C16orf87: variants seen among roughly 807,000 people sequenced by gnomAD.
The protein encoded by C16orf87 is UPF0547 protein C16orf87.
C16orf87 carries 13 observed loss-of-function variants against 21.0 expected under a neutral mutation model. That is an observed-to-expected ratio of 0.62 (90% confidence interval 0.40 to 0.98). C16orf87 has a LOEUF of 0.98. Among genes scored for constraint, C16orf87 ranks in the 50% least tolerant of loss-of-function variants. C16orf87 has a pLI of 0.00. For synonymous variants in C16orf87, 49 were observed against 60.2 expected (o/e 0.81, Z 0.86); for missense variants, 113 against 180.4 (o/e 0.63, Z 2.14).
At chr16:46,819,401 A>G (rs1297467781) in intron 2 of C16orf87, among the ~76,000 whole-genome samples, 1 of 151,784 alleles carries the variant, frequency 6.6e-6, no homozygotes, top group African/African-American at 2.4e-5. Flanking sequence ...CCTCCGCCTC[A>G]CTGGTTCAAG....
At chr16:46,822,500 A>G (rs1252260114) in intron 2 of C16orf87, among the ~76,000 whole-genome samples, 2 of 152,144 alleles carry the variant, frequency 1.3e-5, no homozygotes, top group Admixed American at 1.3e-4. Flanking sequence ...CATGAATCCT[A>G]TACAGCCAAC....
At position 46,802,831 on chromosome 16, in the gene C16orf87, G is replaced by A. The variant is rs1435359481; in HGVS notation, c.*121C>T. On this transcript the variant is annotated 3_prime_UTR_variant, in exon 4 of 4. Transcript: ENST00000285697. ...GTGTGGCACAGGCTAAACGACAGGC[G>A]AGAAAGAAACAATCGATGGCCCTTA... 4 of 653,198 alleles carry A rather than the reference G, an allele frequency of 6.1e-6. No homozygotes were observed. Among genetic ancestry groups the A allele is most frequent in the East Asian group, 2.6e-5 (1 of 38,338 alleles). The allele number at this position is 653,198 out of a possible 1,614,324, so 40.5% of individuals were successfully genotyped here. A position where few individuals can be genotyped will look rare whatever the true frequency, so the allele number is the denominator to read the frequency against.
At chr16:46,806,986 T>C (rs1421957618) in intron 3 of C16orf87, among the ~76,000 whole-genome samples, 3 of 152,218 alleles carry the variant, frequency 2.0e-5, no homozygotes, top group Non-Finnish European at 2.9e-5. Flanking sequence ...AATAGCTATT[T>C]AGCACTAAGA....
intron 1 of C16orf87, among the ~76,000 whole-genome samples, chr16:46,826,826 T>A (rs933010335): frequency 1.3e-5 from 2 of 152,338 alleles, no homozygotes; most frequent in African/African-American, 2.4e-5. Flanking sequence ...TCCACAGTAA[T>A]GTAAATTGTT....
At chr16:46,830,050 T>C (rs1462299508) in intron 1 of C16orf87, among the ~76,000 whole-genome samples, 1 of 152,042 alleles carries the variant, frequency 6.6e-6, no homozygotes, top group Non-Finnish European at 1.5e-5. Context: ...ACGAGGGCCT[T>C]ACGAATGGTT....
In C16orf87 at chr16:46,811,395, T is replaced by C. The variant is rs139639928; in HGVS notation, c.164-1610A>G. On this transcript the variant is annotated intron_variant, in intron 2 of 3. Transcript: ENST00000285697. ...GCACGTGTCTGTAATCCCAGCTACT[T>C]GGGAGGCTGAGACAGGAGAATCGTT... is the stretch of plus-strand genomic sequence containing the variant. Among the ~76,000 whole-genome samples the C allele has an allele frequency of 7.1e-4, 108 of 151,510 alleles. 2 individuals are homozygous for C. In the East Asian group the frequency reaches 0.02, roughly 28 times the overall value.
intron 2 of C16orf87, among the ~76,000 whole-genome samples, chr16:46,811,945 C>G (rs1377965431): frequency 6.6e-6 from 1 of 151,066 alleles, no homozygotes; most frequent in Non-Finnish European, 1.5e-5. Context: ...AAAGCGACAC[C>G]CTGTTCTTAA....
intron 2 of C16orf87, among the ~76,000 whole-genome samples, chr16:46,812,018 C>T (rs887667522): frequency 5.9e-5 from 9 of 151,782 alleles, no homozygotes; most frequent in African/African-American, 1.5e-4. Context: ...CCAAAGGGGG[C>T]GGATCACCTG....
At chr16:46,805,527 T>C (rs1266745651) in intron 3 of C16orf87, among the ~76,000 whole-genome samples, 3 of 152,226 alleles carry the variant, frequency 2.0e-5, no homozygotes, top group African/African-American at 7.2e-5. Context: ...ATATTAATAG[T>C]AGTTTATAGT....
chr16:46,805,323 T>G (rs1383045483), intron 3 of C16orf87, among the ~76,000 whole-genome samples: 5 of 152,172 alleles, frequency 3.3e-5, no homozygotes, highest in Admixed American at 3.3e-4. Flanking sequence ...TCAATTGTTA[T>G]AGTTTCTGGA....
At chr16:46,813,802 C>T (rs1968166988) in intron 2 of C16orf87, among the ~76,000 whole-genome samples, 1 of 152,190 alleles carries the variant, frequency 6.6e-6, no homozygotes, top group Non-Finnish European at 1.5e-5. Flanking sequence ...GTCACTTGCT[C>T]TGATTCTCCC....
At chr16:46,817,323 A>G (rs1347343411) in intron 2 of C16orf87, among the ~76,000 whole-genome samples, 1 of 152,210 alleles carries the variant, frequency 6.6e-6, no homozygotes, top group African/African-American at 2.4e-5. Context: ...TCCAGAAATA[A>G]AACAATTTCT....
intron 2 of C16orf87, among the ~76,000 whole-genome samples, chr16:46,812,996 C>A (rs1596813686): frequency 1.3e-5 from 2 of 152,266 alleles, no homozygotes; most frequent in Admixed American, 1.3e-4. Flanking sequence ...TTGCTGTGTG[C>A]CCTTCCCCTA....
In C16orf87 at chr16:46,801,968, T is replaced by C. The variant is rs1409578652; in HGVS notation, c.*984A>G. 6.6e-6 allele frequency: 1 copy of C among 152,188 alleles called. No homozygotes were observed. The allele number at this position is 152,188 out of a possible 1,614,324, so 9.4% of individuals were successfully genotyped here. ...ACTATAAACGATTATGACTTAACAC[T>C]AGAAAAATTAAGAATTTAAATATAT... On this transcript the variant is annotated 3_prime_UTR_variant, in exon 4 of 4. Coordinates refer to ENST00000285697, the MANE Select transcript of C16orf87 (RefSeq NM_001001436.4).
intron 2 of C16orf87, among the ~76,000 whole-genome samples, chr16:46,815,711 G>T (rs1490479380): frequency 2.0e-5 from 3 of 152,144 alleles, no homozygotes; most frequent in Admixed American, 6.6e-5. Context: ...ATACTCTTCA[G>T]ATTATTATAA....
chr16:46,803,879 G>A (rs1003191067), intron 3 of C16orf87, among the ~76,000 whole-genome samples: 1 of 151,902 alleles, frequency 6.6e-6, no homozygotes, highest in Non-Finnish European at 1.5e-5. Context: ...CAGGGTTTTA[G>A]GCATTACTGA....
At chr16:46,815,547 C>T (rs1019620611) in intron 2 of C16orf87, among the ~76,000 whole-genome samples, 1 of 151,914 alleles carries the variant, frequency 6.6e-6, no homozygotes, top group African/African-American at 2.4e-5. Flanking sequence ...TCAACAACAA[C>T]AACAAAAAAA....
At chr16:46,815,635 T>C (rs949937723) in intron 2 of C16orf87, among the ~76,000 whole-genome samples, 5 of 152,112 alleles carry the variant, frequency 3.3e-5, no homozygotes, top group Non-Finnish European at 7.4e-5. Flanking sequence ...ACTAAGCACA[T>C]GCAAAGATGT....
intron 2 of C16orf87, among the ~76,000 whole-genome samples, chr16:46,817,463 G>C (rs1171344875): frequency 1.3e-5 from 2 of 152,100 alleles, no homozygotes; most frequent in East Asian, 3.9e-4. Context: ...GAGGCGGGCA[G>C]CTCCACCTGA....
Sources: gnomAD v4.1 joint callset for allele counts (sites outside exome capture counted in the v4.1 genomes callset) on GRCh38, gnomAD v4.1.1 for gene constraint, MANE v1.5 for transcripts, NCBI Gene and HGNC (gene_info 2026-07-23, HGNC 2026-07-21) for gene names.